JADE1: variants seen among roughly 807,000 people sequenced by gnomAD.
JADE1 encodes jade family PHD finger 1.
In JADE1, 14 loss-of-function variants were observed where a neutral mutation model predicts 81.8. The ratio of observed to expected loss-of-function variants is 0.17; its 90% CI spans 0.11 to 0.27. The LOEUF is 0.27. JADE1 is among the 10% of genes least tolerant of loss of function. JADE1 has a pLI of 1.00. For synonymous variants in JADE1, 353 were observed against 391.9 expected (o/e 0.90, Z 1.17); for missense variants, 690 against 1,047.9 (o/e 0.66, Z 4.71).
chr4:128,863,929 G>A, intron 9 of JADE1: 5 of 985,242 alleles, frequency 5.1e-6, no homozygotes, highest in Non-Finnish European at 6.0e-6. Context: ...AAATGCTTGT[G>A]GTGTACTAAC....
chr4:128,872,295 T>C lies in JADE1; in HGVS notation c.*33T>C. ...GAGATGATGCGGAAGCCCTTTGGGC[T>C]CGTCATTGGGTTTGCTAGAGGAGAG... On this transcript the variant is annotated 3_prime_UTR_variant, in exon 11 of 11. Coordinates refer to ENST00000226319, the MANE Select transcript of JADE1 (RefSeq NM_199320.4). The C allele has an allele frequency of 6.3e-7, 1 of 1,591,740 alleles. No individual in the cohort carries two copies. The highest frequency in any genetic ancestry group is 1.1e-5 in the South Asian group (1 of 88,662).
chr4:128,831,665 C>A, intron 1 of JADE1, 68 bp from the exon 2 acceptor site: 1 of 1,363,108 alleles, frequency 7.3e-7, no homozygotes, highest in Non-Finnish European at 1.0e-6. Context: ...CCTGGGCTGC[C>A]ATCTGAAGCA....
intron 4 of JADE1, 116 bp from the exon 5 acceptor site, chr4:128,848,864 T>A: frequency 1.1e-6 from 1 of 945,042 alleles, no homozygotes; most frequent in Non-Finnish European, 1.7e-6. Context: ...TTTCAGCCTC[T>A]GGTGATGACC....
intron 9 of JADE1, among the ~76,000 whole-genome samples, chr4:128,866,677 A>T (rs1361349585): frequency 1.3e-5 from 2 of 152,162 alleles, no homozygotes; most frequent in East Asian, 3.9e-4. Flanking sequence ...TGGGGAAAAA[A>T]TTATAAAGGT....
At chr4:128,858,628 A>T (rs1731003470) in intron 8 of JADE1, among the ~76,000 whole-genome samples, 2 of 147,574 alleles carry the variant, frequency 1.4e-5, no homozygotes. Context: ...TTTGAGACAG[A>T]GTCTCACTCT....
intron 2 of JADE1, 125 bp downstream of exon 2, chr4:128,831,935 A>G: frequency 1.2e-6 from 1 of 836,568 alleles, no homozygotes; most frequent in South Asian, 1.5e-5. Flanking sequence ...GAGAAAGCCA[A>G]AGCCTGGAGA....
intron 1 of JADE1, among the ~76,000 whole-genome samples, chr4:128,815,325 C>T (rs1197050861): frequency 6.6e-6 from 1 of 152,176 alleles, no homozygotes; most frequent in African/African-American, 2.4e-5. Context: ...TGGTCTCGAT[C>T]TCCTGACCTC....
intron 2 of JADE1, among the ~76,000 whole-genome samples, chr4:128,840,435 C>A (rs1406081629): frequency 6.6e-6 from 1 of 152,162 alleles, no homozygotes; most frequent in African/African-American, 2.4e-5. Context: ...CATTTATAAC[C>A]TTTTCCATAG....
intron 1 of JADE1, among the ~76,000 whole-genome samples, chr4:128,827,025 C>T (rs895217259): frequency 6.6e-6 from 1 of 152,138 alleles, no homozygotes; most frequent in African/African-American, 2.4e-5. Flanking sequence ...AAGAATAATC[C>T]TATCAAATTA....
chr4:128,810,615 T>C (rs1726261364), intron 1 of JADE1, among the ~76,000 whole-genome samples: 1 of 151,726 alleles, frequency 6.6e-6, no homozygotes, highest in African/African-American at 2.4e-5. Context: ...GGGACTGTAT[T>C]TGTCCAAACA....
chr4:128,815,105 A>G (rs537974680), intron 1 of JADE1, among the ~76,000 whole-genome samples: 242 of 59,746 alleles, frequency 4.1e-3, no homozygotes, highest in Non-Finnish European at 7.6e-3. Context: ...GCTGGAGTGC[A>G]GGGGTGCGAT....
At chr4:128,820,205 G>C (rs1186317910) in intron 1 of JADE1, among the ~76,000 whole-genome samples, 1 of 151,750 alleles carries the variant, frequency 6.6e-6, no homozygotes, top group Non-Finnish European at 1.5e-5. Flanking sequence ...TCCATCTCCT[G>C]GGTTCATGCA....
In JADE1 at chr4:128,864,354, C is replaced by A. The variant is rs972771430; in HGVS notation, c.1503+2129C>A. On this transcript the variant is annotated intron_variant, in intron 9 of 10. Coordinates refer to ENST00000226319, the MANE Select transcript of JADE1 (RefSeq NM_199320.4). ...GTAGAGACGGTTTCACCATGTTGGTCAGGTTGGTCTTGAACTCCTGACCTC... is the reference window on the plus strand; with the variant it reads ...GTAGAGACGGTTTCACCATGTTGGTAAGGTTGGTCTTGAACTCCTGACCTC... 14 of 702,264 alleles carry A rather than the reference C, an allele frequency of 2.0e-5. No homozygotes were observed. The South Asian group carries it at 7.7e-4, about 39-fold the overall frequency. The allele number at this position is 702,264 out of a possible 1,614,324, so 43.5% of individuals were successfully genotyped here.
intron 8 of JADE1, among the ~76,000 whole-genome samples, chr4:128,860,820 G>T (rs1204053013): frequency 6.6e-6 from 1 of 152,132 alleles, no homozygotes; most frequent in African/African-American, 2.4e-5. Flanking sequence ...TCCCTGTGAC[G>T]CATGGGAAGG....
chr4:128,821,930 A>G (rs1188748668), intron 1 of JADE1, among the ~76,000 whole-genome samples: 6 of 152,198 alleles, frequency 3.9e-5, no homozygotes, highest in Non-Finnish European at 8.8e-5. Context: ...TACCTGTTTC[A>G]AAAACTTAAG....
intron 1 of JADE1, among the ~76,000 whole-genome samples, chr4:128,810,580 G>C (rs1467892179): frequency 6.6e-6 from 1 of 151,152 alleles, no homozygotes; most frequent in Middle Eastern, 3.4e-3. Context: ...TATGAATCCA[G>C]AGTGTGTGAG....
In JADE1 at chr4:128,871,278, A is replaced by C; in HGVS notation, c.1622-77A>C. Reference sequence around the variant, plus strand: ...GGGGAGTTCACATCAATTGGGCCACACTAAGGGTGTAGAATTTTATTCTTT... The same window carrying C: ...GGGGAGTTCACATCAATTGGGCCACCCTAAGGGTGTAGAATTTTATTCTTT... On this transcript the variant is annotated intron_variant, in intron 10 of 10. Transcript: ENST00000226319. This position sits in a 1 kb window ranked among gnomAD's most constrained non-coding sequence, Gnocchi z 4.1. 1 of 1,386,196 alleles carries C rather than the reference A, an allele frequency of 7.2e-7. No homozygotes were observed. Among genetic ancestry groups the C allele is most frequent in the Non-Finnish European group, 9.9e-7 (1 of 1,005,986 alleles). 85.9% of individuals were successfully genotyped at this position (1,386,196 alleles called of 1,614,324 possible).
In JADE1 at chr4:128,814,641, A is replaced by C. The variant is rs577724564; in HGVS notation, c.-27+4764A>C. 9.5e-4 allele frequency among the ~76,000 whole-genome samples: 142 copies of C among 148,812 alleles called. 1 individual carries two copies. The South Asian group carries it at 0.015, about 16-fold the overall frequency. Reference sequence around the variant, plus strand: ...GAGTGCAATGGTGGGATCTCACTGCAACCTATGCCTCCCAGGTTCAAGCGA... The same window carrying C: ...GAGTGCAATGGTGGGATCTCACTGCCACCTATGCCTCCCAGGTTCAAGCGA... On this transcript the variant is annotated intron_variant, in intron 1 of 10. Coordinates refer to ENST00000226319, the MANE Select transcript of JADE1 (RefSeq NM_199320.4).
Position 128,846,267 on chromosome 4 carries a change from A to T in JADE1, c.139-108A>T. 8.9e-7 allele frequency: 1 copy of T among 1,126,344 alleles called. No homozygotes were observed. Among genetic ancestry groups the T allele is most frequent in the Non-Finnish European group, 1.3e-6 (1 of 764,392 alleles). 69.8% of individuals were successfully genotyped at this position (1,126,344 alleles called of 1,614,324 possible). A position where few individuals can be genotyped will look rare whatever the true frequency, so the allele number is the denominator to read the frequency against. On this transcript the variant is annotated intron_variant, in intron 3 of 10. Coordinates refer to ENST00000226319, the MANE Select transcript of JADE1 (RefSeq NM_199320.4). This position sits in a 1 kb window ranked among gnomAD's most constrained non-coding sequence, Gnocchi z 4.0. ...AATAGGTCAGGCTTGTTCTATGTTG[A>T]TACAGTGACCTTGTTACATGGCAGC...
Sources: allele counts gnomAD v4.1 joint callset (sites outside exome capture counted in the v4.1 genomes callset), GRCh38; gene constraint gnomAD v4.1.1; non-coding constraint Gnocchi (gnomAD v3.1); transcripts MANE v1.5; gene names NCBI Gene and HGNC (gene_info 2026-07-23, HGNC 2026-07-21).